DSCAML1: variants seen among roughly 807,000 people sequenced by gnomAD.
DSCAML1 encodes cell adhesion molecule DSCAML1.
DSCAML1 carries 38 observed loss-of-function variants against 200.5 expected under a neutral mutation model. That is an observed-to-expected ratio of 0.19 (90% confidence interval 0.15 to 0.25). The LOEUF (loss-of-function observed/expected upper bound fraction) is 0.25. DSCAML1 is among the 10% of genes least tolerant of loss of function. The pLI is 1.00. For missense variants in DSCAML1, 2,223 were observed against 2,858.8 expected (o/e 0.78, Z 5.07); for synonymous variants, 1,215 against 1,165.0 (o/e 1.04, Z -0.87).
Position 117,516,803 on chromosome 11 carries a change from A to AGCCAGGCACC in DSCAML1, c.1511-74_1511-65dup. On this transcript the variant is annotated intron_variant, in intron 7 of 32. Coordinates refer to ENST00000651296, the MANE Select transcript of DSCAML1 (RefSeq NM_020693.4). This position sits in a 1 kb window ranked among gnomAD's most constrained non-coding sequence, Gnocchi z 5.7. ...GCATGTGCTGCTGTCAGCCAGGGACAGCCAGGCACCACCCTGCGGTGCTCT... is the reference window on the plus strand; with the variant it reads ...GCATGTGCTGCTGTCAGCCAGGGACAGCCAGGCACCGCCAGGCACCACCCTGCGGTGCTCT... 6.4e-7 allele frequency: 1 copy of AGCCAGGCACC among 1,557,154 alleles called. No homozygotes were observed. The highest frequency in any genetic ancestry group is 2.1e-4 in the Middle Eastern group (1 of 4,816).
chr11:117,652,345 G>A (rs1434301270), intron 3 of DSCAML1, among the ~76,000 whole-genome samples: 1 of 152,236 alleles, frequency 6.6e-6, no homozygotes, highest in Non-Finnish European at 1.5e-5. Context: ...CCATGGGAAA[G>A]AACCAGGAGA....
At chr11:117,769,247 TG>T (rs1565273563) in intron 3 of DSCAML1, among the ~76,000 whole-genome samples, 6 of 6,412 alleles carry the variant, frequency 9.4e-4, no homozygotes, top group East Asian at 7.4e-3. Context: ...ATTTTATATA[TG>T]TATATATTAT....
chr11:117,791,798 G>A (rs1165106362), intron 1 of DSCAML1, among the ~76,000 whole-genome samples: 4 of 152,220 alleles, frequency 2.6e-5, no homozygotes, highest in African/African-American at 7.2e-5. Context: ...AGGATCTGAT[G>A]ATGCATTCTG....
chr11:117,464,672 A>C lies in DSCAML1; in HGVS notation c.3265+270T>G, dbSNP rs555280167. Among the ~76,000 whole-genome samples, 238 of 152,304 alleles carry C rather than the reference A, an allele frequency of 1.6e-3. No homozygotes were observed. Among genetic ancestry groups the C allele is most frequent in the Non-Finnish European group, 2.9e-3 (198 of 68,030 alleles). On this transcript the variant is annotated intron_variant, in intron 17 of 32. Coordinates refer to ENST00000651296, the MANE Select transcript of DSCAML1 (RefSeq NM_020693.4). The stretch of plus-strand genomic sequence containing the variant: ...TGGATGGGGAGACAGGTGGACAGAC[A>C]AGTGCTCAGACAGGCCAACAGGTCA...
intron 3 of DSCAML1, among the ~76,000 whole-genome samples, chr11:117,602,425 A>G (rs934506937): frequency 6.6e-6 from 1 of 152,072 alleles, no homozygotes; most frequent in Non-Finnish European, 1.5e-5. Context: ...CAAAGGTGCA[A>G]TCTCAGTTCA....
rs373601851 is a variant in DSCAML1, at chr11:117,588,110, G to C, written c.512-55588C>G. ...CATGGAATCCTCTGACAATTCCCTG[G>C]GTTAGGTTCCACTGTCACCCCGATT... On this transcript the variant is annotated intron_variant, in intron 3 of 32. Transcript: ENST00000651296. Among the ~76,000 whole-genome samples the C allele has an allele frequency of 5.9e-5, 9 of 152,290 alleles. No homozygotes were observed. The East Asian group carries it at 1.2e-3, about 20-fold the overall frequency.
Position 117,435,639 on chromosome 11 carries a change from C to T in DSCAML1, c.4876+5G>A. 1 of 1,591,726 alleles carries T rather than the reference C, an allele frequency of 6.3e-7. No homozygotes were observed. Among genetic ancestry groups the T allele is most frequent in the Non-Finnish European group, 8.6e-7 (1 of 1,162,270 alleles). On this transcript the variant is annotated splice_donor_5th_base_variant and intron_variant, in intron 27 of 32. Coordinates refer to ENST00000651296, the MANE Select transcript of DSCAML1 (RefSeq NM_020693.4). Reference sequence around the variant, plus strand: ...TCCTGGAAGGCCCATAGGAAGCTCCCCCACCTCGGAGTCGCTTCAGCCGTT... The same window carrying T: ...TCCTGGAAGGCCCATAGGAAGCTCCTCCACCTCGGAGTCGCTTCAGCCGTT...
chr11:117,782,772 T>C (rs1023782302), intron 1 of DSCAML1, among the ~76,000 whole-genome samples: 1 of 152,218 alleles, frequency 6.6e-6, no homozygotes, highest in African/African-American at 2.4e-5. Context: ...CCAGGCACTG[T>C]TGTTAGGGAC....
intron 4 of DSCAML1, among the ~76,000 whole-genome samples, chr11:117,528,877 T>C (rs1372542679): frequency 1.3e-5 from 2 of 152,168 alleles, no homozygotes; most frequent in Non-Finnish European, 2.9e-5. Context: ...CAGACTATTC[T>C]TGCAACTGCC....
intron 3 of DSCAML1, among the ~76,000 whole-genome samples, chr11:117,683,001 C>T (rs1314562285): frequency 6.6e-6 from 1 of 152,222 alleles, no homozygotes; most frequent in African/African-American, 2.4e-5. Flanking sequence ...TCTGCTCCTC[C>T]ACAGAGGACT....
intron 3 of DSCAML1, among the ~76,000 whole-genome samples, chr11:117,760,859 C>T (rs1164593261): frequency 1.3e-5 from 2 of 152,204 alleles, no homozygotes; most frequent in Non-Finnish European, 2.9e-5. Flanking sequence ...ATTCCAGCCC[C>T]TTCACTTACA....
intron 3 of DSCAML1, among the ~76,000 whole-genome samples, chr11:117,626,131 C>G (rs1382095618): frequency 6.6e-6 from 1 of 152,074 alleles, no homozygotes; most frequent in Non-Finnish European, 1.5e-5. Context: ...TACCCTCATA[C>G]CAGAGCTCCA....
At chr11:117,562,646 A>C (rs934097939) in intron 3 of DSCAML1, among the ~76,000 whole-genome samples, 1 of 152,260 alleles carries the variant, frequency 6.6e-6, no homozygotes, top group Non-Finnish European at 1.5e-5. Context: ...AGTAGCTCAC[A>C]GAGTAGGCAC....
At chr11:117,450,448 G>C in intron 20 of DSCAML1, 101 bp downstream of exon 20, 1 of 1,482,672 alleles carries the variant, frequency 6.7e-7, no homozygotes, top group Non-Finnish European at 9.1e-7. Context: ...CAGAAGCTCA[G>C]ATACAGGCAG....
At chr11:117,497,896 T>A (rs2049322535) in intron 11 of DSCAML1, among the ~76,000 whole-genome samples, 1 of 152,208 alleles carries the variant, frequency 6.6e-6, no homozygotes, top group Non-Finnish European at 1.5e-5. Context: ...CTCCTCCCCC[T>A]GCTGCTTGCA....
chr11:117,709,114 C>G (rs540319468), intron 3 of DSCAML1, among the ~76,000 whole-genome samples: 29 of 152,316 alleles, frequency 1.9e-4, no homozygotes, highest in African/African-American at 6.7e-4. Flanking sequence ...TCCTGCCAAA[C>G]TTGGTATGAA....
intron 3 of DSCAML1, among the ~76,000 whole-genome samples, chr11:117,596,665 G>A (rs1455373367): frequency 5.3e-5 from 8 of 152,202 alleles, no homozygotes; most frequent in Admixed American, 4.6e-4. Flanking sequence ...ATGAGGTGTG[G>A]GAGGTGAAGA....
chr11:117,638,523 C>CTA (rs2052337583), intron 3 of DSCAML1, among the ~76,000 whole-genome samples: 1 of 152,166 alleles, frequency 6.6e-6, no homozygotes, highest in Non-Finnish European at 1.5e-5. Flanking sequence ...ATCCCACACC[C>CTA]TTTAGCTATC....
intron 3 of DSCAML1, among the ~76,000 whole-genome samples, chr11:117,649,338 A>G (rs2052582697): frequency 6.6e-6 from 1 of 152,046 alleles, no homozygotes; most frequent in South Asian, 2.1e-4. Context: ...TTGGCCTCCC[A>G]AAGTGCTGGC....
Sources: allele counts gnomAD v4.1 joint callset (sites outside exome capture counted in the v4.1 genomes callset), GRCh38; gene constraint gnomAD v4.1.1; non-coding constraint Gnocchi (gnomAD v3.1); transcripts MANE v1.5; gene names NCBI Gene and HGNC (gene_info 2026-07-23, HGNC 2026-07-21).